PUDP: variants seen among roughly 807,000 people sequenced by gnomAD.
PUDP encodes the protein pseudouridine 5'-phosphatase, also known as pseudouridine-5'-phosphatase.
A neutral mutation model predicts 9.4 loss-of-function variants in PUDP; 8 were observed. The observed-to-expected ratio is 0.85, with a 90% confidence interval of 0.50 to 1.53. The LOEUF (loss-of-function observed/expected upper bound fraction) is 1.53, where lower values mean the gene tolerates loss of function less well. Among genes scored for constraint, PUDP ranks in the 40% most tolerant of loss-of-function variants. PUDP has a pLI of 0.00. For synonymous variants in PUDP, 99 were observed against 80.7 expected (o/e 1.23, Z -1.22); for missense variants, 188 against 189.7 (o/e 0.99, Z 0.05).
intron 3 of PUDP, among the ~76,000 whole-genome samples, chrX:6,912,609 A>G (rs941744924): frequency 1.8e-5 from 2 of 112,013 alleles, no homozygotes; most frequent in African/African-American, 6.5e-5. Flanking sequence ...CTTCCTGGTC[A>G]GCCAGGACAA....
intron 3 of PUDP, among the ~76,000 whole-genome samples, chrX:6,872,164 T>C (rs1419910272): frequency 9.0e-6 from 1 of 111,124 alleles, no homozygotes; most frequent in African/African-American, 3.3e-5. Context: ...TTTCAGTATC[T>C]GAATTTGCAG....
chrX:6,941,017 A>G (rs903006528), intron 3 of PUDP, among the ~76,000 whole-genome samples: 1 of 112,013 alleles, frequency 8.9e-6, no homozygotes, highest in Non-Finnish European at 1.9e-5. Context: ...TCTTGTTGCA[A>G]TGGCCCTCCC....
chrX:6,920,395 A>T (rs751476686), intron 3 of PUDP, among the ~76,000 whole-genome samples: 17 of 111,029 alleles, frequency 1.5e-4, no homozygotes, highest in African/African-American at 5.2e-4. Flanking sequence ...GGTCCATCTC[A>T]TGCAAAATAC....
At chrX:6,896,060 C>T (rs1452623771) in intron 3 of PUDP, among the ~76,000 whole-genome samples, 1 of 111,884 alleles carries the variant, frequency 8.9e-6, no homozygotes, top group Admixed American at 9.5e-5. Context: ...CTTGGGGGAA[C>T]ACAGATGTTC....
chrX:6,779,338 G>T (rs893937915), intron 3 of PUDP, among the ~76,000 whole-genome samples: 1 of 112,137 alleles, frequency 8.9e-6, no homozygotes, highest in Non-Finnish European at 1.9e-5. Context: ...AAGCAAAGCA[G>T]TGTGAAAGCA....
intron 3 of PUDP, among the ~76,000 whole-genome samples, chrX:6,877,243 G>A (rs913310195): frequency 2.7e-5 from 3 of 111,140 alleles, no homozygotes; most frequent in Non-Finnish European, 5.7e-5. Context: ...ATAAGCATGA[G>A]CCACTATATA....
At chrX:6,807,016 G>C (rs112756509) in intron 3 of PUDP, among the ~76,000 whole-genome samples, 3,402 of 112,355 alleles carry the variant, frequency 0.03, 126 homozygotes, top group African/African-American at 0.1. Flanking sequence ...GACAGGTGGA[G>C]GAAGAAGAGC....
At chrX:6,874,634 A>C (rs1278397179) in intron 3 of PUDP, among the ~76,000 whole-genome samples, 2 of 112,349 alleles carry the variant, frequency 1.8e-5, no homozygotes, top group Non-Finnish European at 3.8e-5. Flanking sequence ...GGTGAAGTTG[A>C]TCCATCTAGA....
chrX:6,932,905 C>T (rs927856017), intron 3 of PUDP, among the ~76,000 whole-genome samples: 1 of 110,401 alleles, frequency 9.1e-6, no homozygotes, highest in Non-Finnish European at 1.9e-5. Context: ...AAGGCGGCAA[C>T]GAGGCTGGGG....
intron 1 of PUDP, among the ~76,000 whole-genome samples, chrX:6,713,298 A>G (rs1433086281): frequency 8.9e-6 from 1 of 112,306 alleles, no homozygotes; most frequent in Non-Finnish European, 1.9e-5. Flanking sequence ...TTATTTACAG[A>G]TAGTCCTTGT....
chrX:6,819,158 C>G (rs935690458), intron 3 of PUDP, among the ~76,000 whole-genome samples: 7 of 111,712 alleles, frequency 6.3e-5, no homozygotes, highest in African/African-American at 2.3e-4. Context: ...ATATTAAAGA[C>G]TGGGGTGGGA....
At chrX:7,053,698 G>A (rs1862088714) in intron 3 of PUDP, among the ~76,000 whole-genome samples, 1 of 111,534 alleles carries the variant, frequency 9.0e-6, no homozygotes, top group Non-Finnish European at 1.9e-5. Flanking sequence ...GTCTTTATCA[G>A]CAGTGTGAAA....
intron 1 of PUDP, among the ~76,000 whole-genome samples, chrX:7,034,067 G>A (rs1174682776): frequency 8.9e-6 from 1 of 111,895 alleles, no homozygotes; most frequent in Non-Finnish European, 1.9e-5. Context: ...TTTAACTAAG[G>A]CAAGAAGTTG....
At chrX:6,839,824 T>C (rs1434404431) in intron 3 of PUDP, among the ~76,000 whole-genome samples, 1 of 110,900 alleles carries the variant, frequency 9.0e-6, no homozygotes, top group African/African-American at 3.3e-5. Context: ...TACAAAACTA[T>C]CCATACTCTT....
intron 2 of PUDP, among the ~76,000 whole-genome samples, chrX:7,086,773 G>C (rs1186230750): frequency 3.6e-5 from 4 of 112,398 alleles, no homozygotes; most frequent in Non-Finnish European, 7.5e-5. Context: ...CCAACTCAAA[G>C]CTAATATCAG....
At chrX:6,844,488 G>A (rs1926715049) in intron 3 of PUDP, among the ~76,000 whole-genome samples, 1 of 112,010 alleles carries the variant, frequency 8.9e-6, no homozygotes. Context: ...TCAACCATAC[G>A]GCCCAATAAG....
At chrX:7,134,012 TTAATC>T (rs1381378369) in intron 1 of PUDP, among the ~76,000 whole-genome samples, 5 of 112,056 alleles carry the variant, frequency 4.5e-5, no homozygotes, top group African/African-American at 1.6e-4. Flanking sequence ...AACATGTTCT[TTAATC>T]TGATTATATT....
At chrX:6,773,381 C>A (rs6638624) in intron 3 of PUDP, among the ~76,000 whole-genome samples, 53,536 of 110,823 alleles carry the variant, frequency 0.48, 9,929 homozygotes, top group Middle Eastern at 0.59. Context: ...AAAGTTTCAC[C>A]AAATTCAAGA....
chrX:7,067,526 C>T (rs1005932166), intron 3 of PUDP, among the ~76,000 whole-genome samples: 1 of 111,829 alleles, frequency 8.9e-6, no homozygotes, highest in African/African-American at 3.3e-5. Context: ...CAAAGCACAG[C>T]TCCACCTCCT....
Sources: gnomAD v4.1 joint callset for allele counts (sites outside exome capture counted in the v4.1 genomes callset) on GRCh38, gnomAD v4.1.1 for gene constraint, MANE v1.5 for transcripts, NCBI Gene and HGNC (gene_info 2026-07-23, HGNC 2026-07-21) for gene names.